The following SUN1 variants were observed in gnomAD, a reference collection of about 807,000 sequenced individuals.
The protein encoded by SUN1 is Sad1 and UNC84 domain containing 1.
SUN1 carries 61 observed loss-of-function variants against 103.2 expected under a neutral mutation model. The observed-to-expected ratio is 0.59, with a 90% CI of 0.48 to 0.73. SUN1 has a LOEUF of 0.73. Ranked by LOEUF, SUN1 falls within the 30% of genes least tolerant of loss-of-function variation. The pLI is 0.00. For synonymous variants in SUN1, 490 were observed against 425.7 expected, an observed-to-expected ratio of 1.15 and a Z score of -1.86; for missense variants, 1,052 against 1,034.6, an observed-to-expected ratio of 1.02 and a Z score of -0.23.
At chr7:818,001 G>A (rs766321426) in intron 1 of SUN1, among the ~76,000 whole-genome samples, 1 of 151,956 alleles carries the variant, frequency 6.6e-6, no homozygotes, top group South Asian at 2.1e-4. Flanking sequence ...ATTTCCCAGA[G>A]CTGTTTTTTT....
intron 9 of SUN1, 164 bp from the exon 10 acceptor site, chr7:853,245 T>A: frequency 1.2e-6 from 1 of 826,788 alleles, no homozygotes; most frequent in Non-Finnish European, 1.9e-6. Flanking sequence ...TAGTCAGCCA[T>A]GTAAGGATCA....
chr7:838,974 A>T lies in SUN1; in HGVS notation c.254A>T (p.Asn85Ile), dbSNP rs377212222. 2 of 1,588,786 alleles carry T rather than the reference A, an allele frequency of 1.3e-6. No individual in the cohort carries two copies. Among genetic ancestry groups the T allele is most frequent in the Non-Finnish European group, 1.7e-6 (2 of 1,168,958 alleles). ...ACCAGCAGCGCTGTCTCCCTGAAGA[A>T]CCGAGCGGCCAGGTGAGCACCGCTG... ...SGTSSAVSLK[N>I]RAARTTKQRR... The change falls in exon 2 of 19, where the codon AAC (asparagine) becomes ATC (isoleucine). Residue 85 changes from asparagine (N) to isoleucine (I), a missense_variant. Around this residue, in one of 2 missense-constraint regions of SUN1, gnomAD observed 846 missense variants for 774.5 expected, o/e 1.09. Coordinates refer to ENST00000401592, the MANE Select transcript of SUN1 (RefSeq NM_001130965.3).
intron 1 of SUN1, among the ~76,000 whole-genome samples, chr7:823,593 G>A (rs1788474966): frequency 1.3e-5 from 2 of 152,226 alleles, no homozygotes; most frequent in South Asian, 4.1e-4. Flanking sequence ...GGAGGGAGAA[G>A]TAGCAGCATT....
At chr7:843,319 A>G (rs1027884353) in intron 4 of SUN1, 22 bp from the exon 5 acceptor site, 1 of 1,604,648 alleles carries the variant, frequency 6.2e-7, no homozygotes, top group Non-Finnish European at 8.5e-7. Flanking sequence ...AACAGGTTCC[A>G]TCTACTGTTT....
At chr7:827,951 A>G (rs990406633), upstream of SUN1, among the ~76,000 whole-genome samples, 1 of 151,654 alleles carries the variant, frequency 6.6e-6, no homozygotes, top group African/African-American at 2.4e-5. Flanking sequence ...ACTCTGTCAC[A>G]GGCTGGAATG....
chr7:851,764 C>T, intron 6 of SUN1, 186 bp from the exon 7 acceptor site: 1 of 641,146 alleles, frequency 1.6e-6, no homozygotes. Context: ...GCATTCTGTC[C>T]TGTGTGTTCA....
rs756701031 is a variant in SUN1 at position 817,448 on chromosome 7, G to C, written c.-74+775G>C. On this transcript the variant is annotated intron_variant, in intron 1 of 17. Coordinates refer to the SUN1 transcript ENST00000389574. Reference sequence around the variant, plus strand: ...CAGCGGCGGGGAACACCTTGCCACTGTCACCGTCATGGGGAGGATTTCTCC... The same window carrying C: ...CAGCGGCGGGGAACACCTTGCCACTCTCACCGTCATGGGGAGGATTTCTCC... 3 of 1,536,112 alleles carry C rather than the reference G, an allele frequency of 2.0e-6. No homozygotes were observed. In the South Asian group the frequency reaches 3.6e-5, roughly 18 times the overall value.
intron 13 of SUN1, among the ~76,000 whole-genome samples, chr7:859,599 G>A (rs530070499): frequency 6.6e-6 from 1 of 152,172 alleles, no homozygotes; most frequent in Non-Finnish European, 1.5e-5. Flanking sequence ...TGTGATGAAC[G>A]GTCGTGTCCT....
chr7:832,462 C>A, upstream of SUN1: 1 of 1,529,398 alleles, frequency 6.5e-7, no homozygotes, highest in South Asian at 1.2e-5. Flanking sequence ...GCTCGATTTC[C>A]TGCCCGTTAA....
intron 1 of SUN1, among the ~76,000 whole-genome samples, chr7:821,773 G>A (rs1402521060): frequency 6.6e-6 from 1 of 152,106 alleles, no homozygotes; most frequent in African/African-American, 2.4e-5. Context: ...ATGTCATAAC[G>A]CCCACTGGTG....
At chr7:838,700 T>C in intron 1 of SUN1, 98 bp from the exon 2 acceptor site, 1 of 1,253,122 alleles carries the variant, frequency 8.0e-7, no homozygotes, top group Non-Finnish European at 1.1e-6. Context: ...CTCTTGAAAA[T>C]CCACAGTACA....
chr7:816,615 A>C, exon 1 of SUN1: 1 of 390,082 alleles, frequency 2.6e-6, no homozygotes, highest in Non-Finnish European at 5.0e-6. Context: ...TGGCGTGGGC[A>C]GAGCGTCTTC....
chr7:860,716 G>T (rs1403215753), intron 14 of SUN1, among the ~76,000 whole-genome samples: 3 of 152,218 alleles, frequency 2.0e-5, no homozygotes, highest in Non-Finnish European at 4.4e-5. Flanking sequence ...CCGTGTATTA[G>T]TCTGTTCTCA....
rs184498359 is a variant in SUN1, at chr7:863,123, C to A, written c.1864+1659C>A. ...TGCCACTGCACTCCAGCCTGGGTGACAGAGCGAGACTCCATCTCAAAAACA... is the reference window on the plus strand; with the variant it reads ...TGCCACTGCACTCCAGCCTGGGTGAAAGAGCGAGACTCCATCTCAAAAACA... On this transcript the variant is annotated intron_variant, in intron 15 of 18. Transcript: ENST00000401592. 5.6e-3 allele frequency among the ~76,000 whole-genome samples: 854 copies of A among 152,254 alleles called. 13 individuals are homozygous for A. The highest frequency in any genetic ancestry group is 0.02 in the African/African-American group (823 of 41,520).
chr7:866,187 AC>A, intron 16 of SUN1, 120 bp downstream of exon 16: 1 of 837,514 alleles, frequency 1.2e-6, no homozygotes, highest in Non-Finnish European at 1.9e-6. Flanking sequence ...TGGAACTGGT[AC>A]CACAAGAAGT....
chr7:818,869 C>G (rs61008539), intron 1 of SUN1, among the ~76,000 whole-genome samples: 56,928 of 150,660 alleles, frequency 0.38, 11,019 homozygotes, highest in African/African-American at 0.46. Flanking sequence ...CCCCTCCCCC[C>G]CTTTTTTTTT....
chr7:840,108 G>C (rs991106727), intron 2 of SUN1, among the ~76,000 whole-genome samples: 1 of 152,210 alleles, frequency 6.6e-6, no homozygotes, highest in Non-Finnish European at 1.5e-5. Flanking sequence ...CGAGAAGGAA[G>C]ACGGTGGCTG....
upstream of SUN1, chr7:831,009 C>G: frequency 3.0e-6 from 3 of 985,518 alleles, no homozygotes; most frequent in Non-Finnish European, 3.6e-6. Context: ...GGCCAAGGCC[C>G]TGTCCTGTGC....
At position 852,512 on chromosome 7, in the gene SUN1, G is replaced by T. The variant is rs957516274; in HGVS notation, c.852-97G>T. 6.5e-6 allele frequency: 9 copies of T among 1,394,064 alleles called. No homozygotes were observed. In the African/African-American group the frequency reaches 1.1e-4, roughly 18 times the overall value. 86.4% of individuals were successfully genotyped at this position (1,394,064 alleles called of 1,614,324 possible). ...GTAACTGCTTTTCTAATACTGGGGG[G>T]GTGGATTTTGCACAAAATTATCTAG... On this transcript the variant is annotated intron_variant, in intron 7 of 18. Coordinates refer to ENST00000401592, the MANE Select transcript of SUN1 (RefSeq NM_001130965.3).
Sources: allele counts gnomAD v4.1 joint callset (sites outside exome capture counted in the v4.1 genomes callset), GRCh38; gene constraint gnomAD v4.1.1; regional missense constraint gnomAD v4.1.1; transcripts MANE v1.5; gene names NCBI Gene and HGNC (gene_info 2026-07-23, HGNC 2026-07-21).